Variants in TULP4 observed in about 807,000 individuals in gnomAD.
TULP4 encodes the protein tubby-related protein 4.
Under a neutral mutation model 129.0 loss-of-function variants are expected in TULP4, and 16 were observed. The ratio of observed to expected loss-of-function variants is 0.12; its 90% CI spans 0.08 to 0.19. TULP4 has a LOEUF of 0.19. Ranked by LOEUF, TULP4 falls within the 10% of genes least tolerant of loss-of-function variation. TULP4 has a pLI of 1.00. For synonymous variants in TULP4, 998 were observed against 854.0 expected (o/e 1.17, Z -2.94); for missense variants, 1,842 against 2,059.1 (o/e 0.89, Z 2.04).
chr6:158,407,248 CAA>C (rs1562553519), intron 1 of TULP4, among the ~76,000 whole-genome samples: 1 of 152,200 alleles, frequency 6.6e-6, no homozygotes, highest in African/African-American at 2.4e-5. Context: ...AAAAAACACA[CAA>C]ATGGCCACCA....
intron 1 of TULP4, among the ~76,000 whole-genome samples, chr6:158,283,470 C>A (rs1437923357): frequency 1.3e-5 from 2 of 152,144 alleles, no homozygotes; most frequent in Non-Finnish European, 2.9e-5. Flanking sequence ...TAGCACTTTA[C>A]AGCAGGCAGA....
chr6:158,448,990 T>A lies in TULP4; in HGVS notation c.544-6T>A. The A allele has an allele frequency of 6.2e-7, 1 of 1,603,444 alleles. No individual in the cohort carries two copies. The highest frequency in any genetic ancestry group is 8.5e-7 in the Non-Finnish European group (1 of 1,172,840). ...CTTGGTCAGAGGTCCCCATCCTGGA[T>A]TGCAGGTGCTGTTTGGCACGGCCGA... On this transcript the variant is annotated splice_region_variant and splice_polypyrimidine_tract_variant and intron_variant, in intron 3 of 13. Transcript: ENST00000367097.
intron 1 of TULP4, among the ~76,000 whole-genome samples, chr6:158,273,448 G>C (rs1778584305): frequency 6.6e-6 from 1 of 152,120 alleles, no homozygotes; most frequent in Non-Finnish European, 1.5e-5. Flanking sequence ...AGTTAAAACT[G>C]ACCTTTATGT....
intron 1 of TULP4, among the ~76,000 whole-genome samples, chr6:158,268,882 T>G (rs1778498185): frequency 6.6e-6 from 1 of 152,238 alleles, no homozygotes; most frequent in Non-Finnish European, 1.5e-5. Context: ...GCACTTTTGG[T>G]GAGCATCTTT....
chr6:158,502,855 C>A lies in TULP4; in HGVS notation c.3192C>A (p.Ser1064=). Residue 1064 remains serine, a synonymous_variant, in exon 13 of 14, where the codon TCC becomes TCA. Coordinates refer to ENST00000367097, the MANE Select transcript of TULP4 (RefSeq NM_020245.5). The part of the protein sequence containing the change: ...AHTASASPLA[S]QSSYSLLSPP... ...CCGCCAGCGCCTCCCCGTTGGCCTCCCAGTCCTCCTACAGCCTCCTGAGCC... is the reference window on the plus strand; with the variant it reads ...CCGCCAGCGCCTCCCCGTTGGCCTCACAGTCCTCCTACAGCCTCCTGAGCC... 6.2e-7 allele frequency: 1 copy of A among 1,613,734 alleles called. No homozygotes were observed. Among genetic ancestry groups the A allele is most frequent in the Middle Eastern group, 1.6e-4 (1 of 6,062 alleles).
intron 1 of TULP4, among the ~76,000 whole-genome samples, chr6:158,329,490 C>T (rs1246022750): frequency 3.4e-5 from 5 of 146,920 alleles, no homozygotes; most frequent in Admixed American, 6.8e-5. Context: ...AGAATAACCT[C>T]GAAAGCACCA....
chr6:158,482,866 A>G (rs1779978706), intron 8 of TULP4, among the ~76,000 whole-genome samples: 1 of 152,194 alleles, frequency 6.6e-6, no homozygotes, highest in Non-Finnish European at 1.5e-5. Context: ...GTACCCAAGG[A>G]CTGGGCTTGC....
At chr6:158,289,988 T>A (rs1004189296) in intron 1 of TULP4, among the ~76,000 whole-genome samples, 2 of 152,150 alleles carry the variant, frequency 1.3e-5, no homozygotes, top group East Asian at 3.9e-4. Context: ...GTCACTGGAG[T>A]GTAGTGGCGT....
intron 1 of TULP4, among the ~76,000 whole-genome samples, chr6:158,272,791 A>G (rs1020660310): frequency 6.6e-6 from 1 of 152,246 alleles, no homozygotes; most frequent in Admixed American, 6.5e-5. Context: ...TCAAAAACAA[A>G]TGTGACAGTT....
chr6:158,259,103 GC>G (rs1371374262), intron 1 of TULP4, among the ~76,000 whole-genome samples: 1 of 152,154 alleles, frequency 6.6e-6, no homozygotes, highest in African/African-American at 2.4e-5. Flanking sequence ...GGTGGTGCGT[GC>G]CTGTAATCCC....
chr6:158,239,996 A>C (rs1363829975), intron 1 of TULP4, among the ~76,000 whole-genome samples: 1 of 62,570 alleles, frequency 1.6e-5, no homozygotes. Context: ...CGGGGGGCTG[A>C]CCCCCCCACC....
chr6:158,375,942 A>G (rs1447565040), intron 1 of TULP4, among the ~76,000 whole-genome samples: 2 of 152,172 alleles, frequency 1.3e-5, no homozygotes, highest in East Asian at 3.9e-4. Flanking sequence ...GGAAGTGAGG[A>G]GACAGGCTTA....
In TULP4 at chr6:158,504,092, G is replaced by A. The variant is rs771544676; in HGVS notation, c.4429G>A (p.Ala1477Thr). ...CAACAAGCAGCCGCTGTGGAACGAG[G>A]CCACCCAGGTCTACCAGCTGGACTT... is the stretch of plus-strand genomic sequence containing the variant. Reference protein sequence around the residue: ...MANKQPLWNEATQVYQLDFGG... With the variant: ...MANKQPLWNETTQVYQLDFGG... The change falls in exon 13 of 14, where the codon GCC (alanine) becomes ACC (threonine). Residue 1477 changes from alanine to threonine, a missense_variant. Physicochemically the swap from Ala to Thr is moderately conservative, Grantham distance 58. Around this residue, in one of 5 missense-constraint regions of TULP4, gnomAD observed 47 missense variants for 104.0 expected, o/e 0.45. Coordinates refer to ENST00000367097, the MANE Select transcript of TULP4 (RefSeq NM_020245.5). 2 of 1,608,634 alleles carry A rather than the reference G, an allele frequency of 1.2e-6. No homozygotes were observed. The highest frequency in any genetic ancestry group is 2.2e-5 in the South Asian group (2 of 90,098).
chr6:158,407,301 AAC>A (rs1207598595), intron 1 of TULP4, among the ~76,000 whole-genome samples: 2 of 152,254 alleles, frequency 1.3e-5, no homozygotes, highest in Non-Finnish European at 2.9e-5. Context: ...CCATCAGGGA[AAC>A]ACAAATCAAA....
intron 5 of TULP4, among the ~76,000 whole-genome samples, chr6:158,456,464 C>A (rs1385012011): frequency 6.7e-6 from 1 of 149,506 alleles, no homozygotes; most frequent in South Asian, 2.2e-4. Flanking sequence ...CAAGACAATT[C>A]TTCTTCTTCC....
At chr6:158,317,064 G>A (rs958494919) in intron 1 of TULP4, among the ~76,000 whole-genome samples, 1 of 152,204 alleles carries the variant, frequency 6.6e-6, no homozygotes, top group Non-Finnish European at 1.5e-5. Flanking sequence ...ATACCAGGGG[G>A]TGTGGTTTTA....
intron 3 of TULP4, among the ~76,000 whole-genome samples, chr6:158,432,077 A>G (rs2115065754): frequency 6.7e-6 from 1 of 149,264 alleles, no homozygotes; most frequent in South Asian, 2.2e-4. Flanking sequence ...CCTAGGCAAC[A>G]TAGCAGGACC....
At chr6:158,272,297 TCCTC>T (rs1038736268) in intron 1 of TULP4, among the ~76,000 whole-genome samples, 2 of 152,194 alleles carry the variant, frequency 1.3e-5, no homozygotes, top group Non-Finnish European at 2.9e-5. Flanking sequence ...TTTTCTTTCT[TCCTC>T]CCTTCCTGCC....
intron 1 of TULP4, among the ~76,000 whole-genome samples, chr6:158,296,506 A>G (rs1195767993): frequency 6.6e-6 from 1 of 152,108 alleles, no homozygotes. Context: ...AGGTACAAAG[A>G]TCACATGCTT....
Sources: allele counts gnomAD v4.1 joint callset (sites outside exome capture counted in the v4.1 genomes callset), GRCh38; gene constraint gnomAD v4.1.1; regional missense constraint gnomAD v4.1.1; transcripts MANE v1.5; gene names NCBI Gene and HGNC (gene_info 2026-07-23, HGNC 2026-07-21).